The following TECPR2 variants were observed in gnomAD, a reference collection of about 807,000 sequenced individuals.
TECPR2 encodes tectonin beta-propeller repeat containing 2.
A neutral mutation model predicts 138.1 loss-of-function variants in TECPR2; 65 were observed. The observed-to-expected ratio is 0.47, with a 90% CI of 0.39 to 0.58. The LOEUF (loss-of-function observed/expected upper bound fraction) is 0.58, where lower values mean the gene tolerates loss of function less well. Ranked by LOEUF, TECPR2 falls within the 20% of genes least tolerant of loss-of-function variation. The pLI is 0.00. For missense variants in TECPR2, 1,553 were observed against 1,824.5 expected, an observed-to-expected ratio of 0.85 and a Z score of 2.71; for synonymous variants, 746 against 749.8, an observed-to-expected ratio of 0.99 and a Z score of 0.08.
In TECPR2 at chr14:102,465,121, G is replaced by C; in HGVS notation, c.3641-20G>C. 1 of 1,613,018 alleles carries C rather than the reference G, an allele frequency of 6.2e-7. No homozygotes were observed. Among genetic ancestry groups the C allele is most frequent in the South Asian group, 1.1e-5 (1 of 91,054 alleles). Reference sequence around the variant, plus strand: ...TTGTACAAAAGTAATTATAGTGTGTGTACTTTTCTTTATCTACAGGAGCTG... The same window carrying C: ...TTGTACAAAAGTAATTATAGTGTGTCTACTTTTCTTTATCTACAGGAGCTG... On this transcript the variant is annotated intron_variant, in intron 16 of 19. Transcript: ENST00000359520.
At chr14:102,418,623 GC>G (rs1266418676) in intron 5 of TECPR2, among the ~76,000 whole-genome samples, 2 of 152,232 alleles carry the variant, frequency 1.3e-5, no homozygotes, top group African/African-American at 4.8e-5. Context: ...TGCCCATGGG[GC>G]TCTTTCAGTC....
At chr14:102,444,793 G>A (rs1169210817) in intron 12 of TECPR2, among the ~76,000 whole-genome samples, 1 of 152,114 alleles carries the variant, frequency 6.6e-6, no homozygotes, top group African/African-American at 2.4e-5. Flanking sequence ...CCAACATAGT[G>A]AAATCCCGTC....
intron 2 of TECPR2, among the ~76,000 whole-genome samples, chr14:102,404,087 A>C (rs1469867157): frequency 6.7e-6 from 1 of 148,156 alleles, no homozygotes; most frequent in Non-Finnish European, 1.5e-5. Context: ...AATTTTTTGT[A>C]GAGATGGGGT....
chr14:102,480,484 A>G (rs181243620), intron 17 of TECPR2, among the ~76,000 whole-genome samples: 10 of 152,206 alleles, frequency 6.6e-5, no homozygotes, highest in Admixed American at 5.9e-4. Flanking sequence ...TTGGCCTCCC[A>G]AAGTGCTGGG....
intron 16 of TECPR2, among the ~76,000 whole-genome samples, chr14:102,452,991 G>A (rs113884116): frequency 0.017 from 2,544 of 152,296 alleles, 46 homozygotes; most frequent in Non-Finnish European, 0.021. Context: ...GAAAAGATGG[G>A]TGTTCCCTAT....
intron 2 of TECPR2, among the ~76,000 whole-genome samples, chr14:102,387,185 G>A (rs1456404088): frequency 6.6e-6 from 1 of 152,194 alleles, no homozygotes; most frequent in Non-Finnish European, 1.5e-5. Context: ...TTCCTAAAGA[G>A]GAAAGCAGAC....
At position 102,497,098 on chromosome 14, in the gene TECPR2, G is replaced by T; in HGVS notation, c.3909G>T (p.Gly1303=). Residue 1303 remains glycine, a synonymous_variant, in exon 18 of 20, where the codon GGG becomes GGT. Transcript: ENST00000359520. ...GGATCACCGAGGAGATGCCTGTGGG[G>T]ACCGCCTGGGAGCATGTGCCAGGTA... ...RTGITEEMPV[G]TAWEHVPGLQ... 6.2e-7 allele frequency: 1 copy of T among 1,612,220 alleles called. No individual in the cohort carries two copies. The highest frequency in any genetic ancestry group is 8.5e-7 in the Non-Finnish European group (1 of 1,179,972).
intron 17 of TECPR2, 70 bp downstream of exon 17, chr14:102,465,359 A>G (rs543254547): frequency 2.6e-5 from 41 of 1,579,482 alleles, no homozygotes; most frequent in African/African-American, 1.1e-4. Flanking sequence ...TGGTACTGGG[A>G]AAAAGGATCT....
chr14:102,390,619 T>G (rs193189584), intron 2 of TECPR2, among the ~76,000 whole-genome samples: 7 of 152,250 alleles, frequency 4.6e-5, no homozygotes, highest in Non-Finnish European at 8.8e-5. Context: ...GTGGGAGAGA[T>G]AGCTTTTGAG....
At chr14:102,440,121 A>G (rs1479954937) in intron 10 of TECPR2, among the ~76,000 whole-genome samples, 1 of 152,214 alleles carries the variant, frequency 6.6e-6, no homozygotes, top group African/African-American at 2.4e-5. Flanking sequence ...TCATGTGCCC[A>G]GCTCTGTGGC....
At chr14:102,464,464 G>A (rs1175519907) in intron 16 of TECPR2, among the ~76,000 whole-genome samples, 2 of 151,930 alleles carry the variant, frequency 1.3e-5, no homozygotes, top group African/African-American at 2.4e-5. Flanking sequence ...ACCATCACAG[G>A]TCACTGCAAC....
rs1294728364 is a variant in TECPR2 at position 102,452,513 on chromosome 14, G to A, written c.3526G>A (p.Ala1176Thr). The A allele has an allele frequency of 5.6e-6, 9 of 1,612,486 alleles. No homozygotes were observed. Among genetic ancestry groups the A allele is most frequent in the Middle Eastern group, 1.6e-4 (1 of 6,082 alleles). ...CGAAGCCGAGATGCGCGCCTATGCCGCCTGCCAGGATGCGCTGTGGGCGCT... is the reference window on the plus strand; with the variant it reads ...CGAAGCCGAGATGCGCGCCTATGCCACCTGCCAGGATGCGCTGTGGGCGCT... ...PPEAEMRAYA[A>T]CQDALWALDS... is the part of the protein sequence containing the mutation. Residue 1176 changes from alanine (A) to threonine (T), a missense_variant, in exon 16 of 20, where the codon GCC becomes ACC. By Grantham distance (58) the Ala-to-Thr change is moderately conservative. Coordinates refer to ENST00000359520, the MANE Select transcript of TECPR2 (RefSeq NM_014844.5).
At position 102,497,610 on chromosome 14, in the gene TECPR2, G is replaced by T; in HGVS notation, c.3972G>T (p.Val1324=). The change falls in exon 19 of 20, where the codon GTG becomes GTT. Residue 1324 remains valine, a synonymous_variant. Transcript: ENST00000359520. ...AGCTGGCGCTGAGCACCAGGACCGT[G>T]TGGGCCCGCTGTCCAAACGGAGACC... is the stretch of plus-strand genomic sequence containing the variant. The part of the protein sequence containing the change: ...ACQLALSTRT[V]WARCPNGDLA... 6.2e-7 allele frequency: 1 copy of T among 1,609,168 alleles called. No homozygotes were observed. The highest frequency in any genetic ancestry group is 1.1e-5 in the South Asian group (1 of 90,232).
Position 102,497,556 on chromosome 14 carries a change from C to A in TECPR2, c.3932-14C>A. ...CCATGGCAGGGGCTCAGGAGGGACC[C>A]TGTCTGCCCACAGGGTTGCAGGCCT... is the stretch of plus-strand genomic sequence containing the variant. On this transcript the variant is annotated splice_polypyrimidine_tract_variant and intron_variant, in intron 18 of 19. Coordinates refer to ENST00000359520, the MANE Select transcript of TECPR2 (RefSeq NM_014844.5). 1 of 1,567,302 alleles carries A rather than the reference C, an allele frequency of 6.4e-7. No individual in the cohort carries two copies. Among genetic ancestry groups the A allele is most frequent in the Admixed American group, 1.8e-5 (1 of 55,644 alleles).
intron 2 of TECPR2, among the ~76,000 whole-genome samples, chr14:102,391,481 G>A (rs568058082): frequency 7.2e-5 from 11 of 152,254 alleles, no homozygotes; most frequent in African/African-American, 2.6e-4. Context: ...GTCAGGCAGA[G>A]GCACACAAGA....
At chr14:102,447,912 G>A (rs911348831) in intron 13 of TECPR2, among the ~76,000 whole-genome samples, 2 of 152,150 alleles carry the variant, frequency 1.3e-5, no homozygotes, top group Admixed American at 6.6e-5. Context: ...TTGAAGGCTT[G>A]TCTTGCATTG....
At chr14:102,380,397 T>C (rs1356395794) in intron 2 of TECPR2, among the ~76,000 whole-genome samples, 4 of 152,214 alleles carry the variant, frequency 2.6e-5, no homozygotes, top group African/African-American at 9.7e-5. Context: ...CAAGCCTGTA[T>C]AATTTATAAA....
chr14:102,463,661 C>T (rs1180537887), intron 16 of TECPR2, among the ~76,000 whole-genome samples: 1 of 151,992 alleles, frequency 6.6e-6, no homozygotes, highest in East Asian at 1.9e-4. Context: ...TAGTGGCTCA[C>T]ACCTGTAATC....
rs1244512795 is a variant in TECPR2, at chr14:102,420,878, G to A, written c.639-4101G>A. On this transcript the variant is annotated intron_variant, in intron 5 of 19. Coordinates refer to ENST00000359520, the MANE Select transcript of TECPR2 (RefSeq NM_014844.5). This position sits in a 1 kb window ranked among gnomAD's most constrained non-coding sequence, Gnocchi z 4.1. Reference sequence around the variant, plus strand: ...GGTGTTCAGGACCTCGCCTTCTCATGCCCACTCAGATGCACCACCTTGATC... The same window carrying A: ...GGTGTTCAGGACCTCGCCTTCTCATACCCACTCAGATGCACCACCTTGATC... Among the ~76,000 whole-genome samples the A allele has an allele frequency of 6.6e-6, 1 of 152,112 alleles. No homozygotes were observed. Among genetic ancestry groups the A allele is most frequent in the African/African-American group, 2.4e-5 (1 of 41,416 alleles).
Sources: allele counts gnomAD v4.1 joint callset (sites outside exome capture counted in the v4.1 genomes callset), GRCh38; gene constraint gnomAD v4.1.1; non-coding constraint Gnocchi (gnomAD v3.1); transcripts MANE v1.5; gene names NCBI Gene and HGNC (gene_info 2026-07-23, HGNC 2026-07-21).